RNPEP: variants seen among roughly 807,000 people sequenced by gnomAD.
RNPEP encodes the protein aminopeptidase B.
RNPEP carries 57 observed loss-of-function variants against 70.1 expected under a neutral mutation model. The observed-to-expected ratio is 0.81, with a 90% CI of 0.66 to 1.01. RNPEP has a LOEUF of 1.01. Among genes scored for constraint, RNPEP ranks in the 50% least tolerant of loss-of-function variants. The pLI is 0.00. For missense variants in RNPEP, 787 were observed against 852.4 expected (o/e 0.92, Z 0.96); for synonymous variants, 335 against 357.4 (o/e 0.94, Z 0.71).
intron 5 of RNPEP, among the ~76,000 whole-genome samples, chr1:201,997,763 T>G (rs1683615182): frequency 1.4e-5 from 1 of 70,154 alleles, no homozygotes. Context: ...CCCCAGGTCA[T>G]TAGTTTTTTT....
At chr1:201,989,611 G>T (rs1299058129) in intron 3 of RNPEP, 80 bp downstream of exon 3, 26 of 1,503,832 alleles carry the variant, frequency 1.7e-5, no homozygotes, top group Non-Finnish European at 2.2e-5. Flanking sequence ...CCTGCTGGGG[G>T]GGTTCTTGGG....
At chr1:201,993,587 A>T (rs548895891) in intron 3 of RNPEP, among the ~76,000 whole-genome samples, 1 of 144,432 alleles carries the variant, frequency 6.9e-6, no homozygotes, top group Non-Finnish European at 1.5e-5. Flanking sequence ...ACAAAGTGAG[A>T]CTCCACCTCA....
rs1558257963 is a variant in RNPEP at position 201,984,821 on chromosome 1, C to CTTTTTTCTTTTTCTTTTTTTTTTTTTT, written c.447+1714_447+1715insCTTTTTCTTTTTTTTTTTTTTTTTTTT. 2.2e-4 allele frequency among the ~76,000 whole-genome samples: 27 copies of CTTTTTTCTTTTTCTTTTTTTTTTTTTT among 121,988 alleles called. 3 individuals are homozygous for CTTTTTTCTTTTTCTTTTTTTTTTTTTT. The highest frequency in any genetic ancestry group is 2.7e-4 in the Non-Finnish European group (16 of 58,994). 80.0% of individuals were successfully genotyped at this position (121,988 alleles called of 152,430 possible). A position where few individuals can be genotyped will look rare whatever the true frequency, so the allele number is the denominator to read the frequency against. ...TTACTGCTAACTTTTGTATTTCTTT[C>CTTTTTTCTTTTTCTTTTTTTTTTTTTT]TTTTTTTTTTTTTTTTTTTTTTTTT... On this transcript the variant is annotated intron_variant, in intron 1 of 10. Transcript: ENST00000295640.
chr1:201,984,574 A>G (rs1683055965), intron 1 of RNPEP, among the ~76,000 whole-genome samples: 1 of 152,090 alleles, frequency 6.6e-6, no homozygotes, highest in African/African-American at 2.4e-5. Flanking sequence ...TGATAACACC[A>G]CTGCACTCCA....
Position 201,999,992 on chromosome 1 carries a change from A to C in RNPEP, c.1181A>C (p.Lys394Thr). 6.2e-7 allele frequency: 1 copy of C among 1,613,754 alleles called. No homozygotes were observed. Among genetic ancestry groups the C allele is most frequent in the Non-Finnish European group, 8.5e-7 (1 of 1,179,852 alleles). The change falls in exon 6 of 11, where the codon AAG (lysine) becomes ACG (threonine). Residue 394 changes from lysine (K) to threonine (T), a missense_variant. Physicochemically the swap from Lys to Thr is moderately conservative, Grantham distance 78 (BLOSUM62 -1). Coordinates refer to ENST00000295640, the MANE Select transcript of RNPEP (RefSeq NM_020216.4). ...DITGEENPLN[K>T]LRVKIEPGVD... ...ACTGGAGAGGAAAACCCACTCAACA[A>C]GCTCCGCGTGAAGATTGAACCAGGT...
At chr1:201,989,107 A>G in intron 2 of RNPEP, 63 bp downstream of exon 2, 2 of 1,565,940 alleles carry the variant, frequency 1.3e-6, no homozygotes, top group African/African-American at 1.4e-5. Context: ...AGATCTATCA[A>G]TCAGGTCACG....
At chr1:201,988,772 T>C (rs1171295282) in intron 1 of RNPEP, 132 bp from the exon 2 acceptor site, 9 of 1,142,140 alleles carry the variant, frequency 7.9e-6, no homozygotes, top group Middle Eastern at 6.1e-4. Flanking sequence ...GCTTTCTAGT[T>C]CAAACCAGAC....
intron 3 of RNPEP, among the ~76,000 whole-genome samples, chr1:201,993,727 C>T (rs60483427): frequency 0.011 from 1,706 of 152,224 alleles, 32 homozygotes; most frequent in African/African-American, 0.038. Flanking sequence ...TGCAGTGAGC[C>T]GAGATCGCGC....
chr1:201,986,256 T>A (rs1046811566), intron 1 of RNPEP, among the ~76,000 whole-genome samples: 1 of 147,602 alleles, frequency 6.8e-6, no homozygotes, highest in Non-Finnish European at 1.5e-5. Flanking sequence ...GTTTTTTATT[T>A]TTTTATTTTT....
At chr1:201,995,503 C>G (rs34505332) in intron 3 of RNPEP, among the ~76,000 whole-genome samples, 1 of 150,654 alleles carries the variant, frequency 6.6e-6, no homozygotes, top group Non-Finnish European at 1.5e-5. Context: ...GGCAACATAG[C>G]GAAACCCTAC....
At chr1:201,991,136 A>G (rs950569461) in intron 3 of RNPEP, among the ~76,000 whole-genome samples, 1 of 151,892 alleles carries the variant, frequency 6.6e-6, no homozygotes, top group Non-Finnish European at 1.5e-5. Flanking sequence ...TATTTTTGAG[A>G]TGGCGTCTTG....
At chr1:201,983,465 G>T in intron 1 of RNPEP, 1 of 1,397,598 alleles carries the variant, frequency 7.2e-7, no homozygotes, top group Non-Finnish European at 9.5e-7. Context: ...CTTTCTAGAT[G>T]ACCTGTTGTT....
At chr1:201,994,263 A>G (rs1231452997) in intron 3 of RNPEP, among the ~76,000 whole-genome samples, 3 of 152,216 alleles carry the variant, frequency 2.0e-5, no homozygotes, top group East Asian at 3.9e-4. Context: ...TTGTAGTTTA[A>G]CATATTTTCT....
At chr1:201,997,587 C>T (rs1683608111) in intron 5 of RNPEP, 33 bp downstream of exon 5, 1 of 1,547,710 alleles carries the variant, frequency 6.5e-7, no homozygotes, top group African/African-American at 1.4e-5. Context: ...AAGGAGTCTG[C>T]CTCCCATTCT....
chr1:201,994,833 A>ATTTTTTTTT (rs34077790), intron 3 of RNPEP, among the ~76,000 whole-genome samples: 2 of 85,224 alleles, frequency 2.3e-5, no homozygotes, highest in Admixed American at 1.5e-4. Context: ...TGTCCTGCTA[A>ATTTTTTTTT]TTTTTTTTTT....
At chr1:201,994,678 T>G (rs1683477642) in intron 3 of RNPEP, among the ~76,000 whole-genome samples, 1 of 151,560 alleles carries the variant, frequency 6.6e-6, no homozygotes, top group Non-Finnish European at 1.5e-5. Flanking sequence ...CTTTTTTTTT[T>G]TTTTTTGAAA....
chr1:202,005,792 T>G lies in RNPEP; in HGVS notation c.*76T>G. On this transcript the variant is annotated 3_prime_UTR_variant, in exon 11 of 11. Transcript: ENST00000295640. ...TAATTGTTTGTTCCCAAATTCCTGT[T>G]CCCTGATCAACTTCCTGGAGTTTAT... 10 of 1,532,870 alleles carry G rather than the reference T, an allele frequency of 6.5e-6. No homozygotes were observed. Among genetic ancestry groups the G allele is most frequent in the Non-Finnish European group, 7.2e-6 (8 of 1,112,090 alleles). 95.0% of individuals were successfully genotyped at this position (1,532,870 alleles called of 1,614,324 possible).
rs142326996 is a variant in RNPEP, at chr1:201,991,623, G to T, written c.737+2092G>T. Among the ~76,000 whole-genome samples the T allele has an allele frequency of 3.0e-4, 45 of 152,316 alleles. No individual in the cohort carries two copies. The East Asian group carries it at 7.1e-3, about 24-fold the overall frequency. ...TAAGCAAACCAAGGCTGTGGTGAGT[G>T]GCTTGTGCAGGACCACTAGTTGGCA... On this transcript the variant is annotated intron_variant, in intron 3 of 10. Transcript: ENST00000295640.
chr1:202,005,676 T>A lies in RNPEP; in HGVS notation c.1913T>A (p.Val638Asp). 1 of 1,614,218 alleles carries A rather than the reference T, an allele frequency of 6.2e-7. No homozygotes were observed. Among genetic ancestry groups the A allele is most frequent in the Non-Finnish European group, 8.5e-7 (1 of 1,180,040 alleles). The change falls in exon 11 of 11, where the codon GTC becomes GAC. Residue 638 changes from valine (V) to aspartate (D), a missense_variant. Val to Asp is a radical substitution (Grantham distance 152). Coordinates refer to ENST00000295640, the MANE Select transcript of RNPEP (RefSeq NM_020216.4). ...GCCTCCCAGCTCCACAGCAATGTTG[T>A]CAACTATGTCCAGCAGATCGTGGCA... Reference protein sequence around the residue: ...STASQLHSNVVNYVQQIVAPK... With the variant: ...STASQLHSNVDNYVQQIVAPK...
Sources: allele counts gnomAD v4.1 joint callset (sites outside exome capture counted in the v4.1 genomes callset), GRCh38; gene constraint gnomAD v4.1.1; transcripts MANE v1.5; gene names NCBI Gene and HGNC (gene_info 2026-07-23, HGNC 2026-07-21).